RIMKLB: variants seen among roughly 807,000 people sequenced by gnomAD.
RIMKLB encodes beta-citrylglutamate synthase B.
In RIMKLB, 7 loss-of-function variants were observed where a neutral mutation model predicts 32.0. The ratio of observed to expected loss-of-function variants is 0.22; its 90% CI spans 0.12 to 0.41. The LOEUF is 0.41. RIMKLB is among the 10% of genes least tolerant of loss of function. The pLI is 1.00. For missense variants in RIMKLB, 289 were observed against 498.7 expected, an observed-to-expected ratio of 0.58 and a Z score of 4.00; for synonymous variants, 172 against 185.1, an observed-to-expected ratio of 0.93 and a Z score of 0.57.
the RIMKLB span, among the ~76,000 whole-genome samples, chr12:8,670,277 A>G: frequency 6.6e-6 from 1 of 152,152 alleles, no homozygotes; most frequent in East Asian, 1.9e-4. Flanking sequence ...TCCATAGTCC[A>G]AAGTCTCATC....
intron 1 of RIMKLB, among the ~76,000 whole-genome samples, chr12:8,684,247 CACTGCAACCTCTG>C (rs1483924503): frequency 1.3e-5 from 2 of 151,870 alleles, no homozygotes; most frequent in Non-Finnish European, 2.9e-5. Context: ...CATCTCTGCT[CACTGCAACCTCTG>C]CCTCCCGGTT....
At chr12:8,753,577 T>G (rs952231574) in intron 4 of RIMKLB, among the ~76,000 whole-genome samples, 1 of 152,180 alleles carries the variant, frequency 6.6e-6, no homozygotes, top group Non-Finnish European at 1.5e-5. Context: ...TAAAAAGATT[T>G]GCTAGTGAAT....
At position 8,754,385 on chromosome 12, in the gene RIMKLB, C is replaced by CT. The variant is rs574452827; in HGVS notation, c.697+295dup. ...TCTGACAAAAGTTAAGAGATTCCCT[C>CT]TTTGGTGATGTACTTATTTTGTATA... On this transcript the variant is annotated intron_variant, in intron 5 of 5. Coordinates refer to ENST00000535829, the MANE Select transcript of RIMKLB (RefSeq NM_001297776.2). Among the ~76,000 whole-genome samples the CT allele has an allele frequency of 1.1e-3, 168 of 152,302 alleles. 1 individual carries two copies. Among genetic ancestry groups the CT allele is most frequent in the Admixed American group, 1.8e-3 (27 of 15,300 alleles).
chr12:8,681,535 A>G (rs1942408752), upstream of RIMKLB: 1 of 152,124 alleles, frequency 6.6e-6, no homozygotes, highest in South Asian at 2.1e-4. Context: ...TGTGGCTCCT[A>G]TTCCGGATGA....
Position 8,754,089 on chromosome 12 carries a change from A to T in RIMKLB, c.693A>T (p.Ser231=), listed in dbSNP as rs774033838. The T allele has an allele frequency of 7.5e-6, 12 of 1,609,292 alleles. No homozygotes were observed. The highest frequency in any genetic ancestry group is 1.3e-5 in the African/African-American group (1 of 74,832). Residue 231 remains serine (S), a synonymous_variant, in exon 5 of 6, where the codon TCA becomes TCT. Transcript: ENST00000535829. ...ATGGGAGAATGCAAAGCAACTGCTC[A>T]TTAGGTAAAAATAATGCAATTATCT... ...STDGRMQSNC[S]LGGVGMMCSL... is the part of the protein sequence containing the mutation.
chr12:8,724,077 C>T (rs1945745336), intron 2 of RIMKLB, among the ~76,000 whole-genome samples: 1 of 152,120 alleles, frequency 6.6e-6, no homozygotes, highest in African/African-American at 2.4e-5. Context: ...CCTCAGCCCC[C>T]AAAATGCTAG....
intron 1 of RIMKLB, among the ~76,000 whole-genome samples, chr12:8,704,810 C>A (rs1943705562): frequency 6.6e-6 from 1 of 151,604 alleles, no homozygotes; most frequent in African/African-American, 2.4e-5. Context: ...ATAGTGAGAA[C>A]CTGCCTCTAA....
intron 1 of RIMKLB, among the ~76,000 whole-genome samples, chr12:8,711,795 T>C (rs929188789): frequency 6.6e-6 from 1 of 152,280 alleles, no homozygotes; most frequent in South Asian, 2.1e-4. Flanking sequence ...CCTTCCCAAG[T>C]GGCCTGGAAG....
chr12:8,740,865 G>C (rs1947442128), intron 2 of RIMKLB, among the ~76,000 whole-genome samples: 1 of 152,132 alleles, frequency 6.6e-6, no homozygotes. Flanking sequence ...TTGAGGTCAG[G>C]AGTTCAAGAC....
chr12:8,750,135 TGATA>T (rs1193818399), intron 3 of RIMKLB, 43 bp downstream of exon 3: 2 of 1,242,020 alleles, frequency 1.6e-6, no homozygotes, highest in Non-Finnish European at 2.4e-6. Flanking sequence ...TATTAACCAC[TGATA>T]GTTTTAATAG....
intron 1 of RIMKLB, among the ~76,000 whole-genome samples, chr12:8,700,981 G>T (rs1943341641): frequency 6.6e-6 from 1 of 152,024 alleles, no homozygotes; most frequent in African/African-American, 2.4e-5. Flanking sequence ...CACAAGAATC[G>T]CTTGAACCTG....
At chr12:8,716,467 C>A (rs1443354014) in intron 2 of RIMKLB, among the ~76,000 whole-genome samples, 2 of 143,840 alleles carry the variant, frequency 1.4e-5, no homozygotes, top group African/African-American at 2.6e-5. Flanking sequence ...TTCACAAGAG[C>A]CAGTATGCTA....
chr12:8,707,722 A>G (rs919787678), intron 1 of RIMKLB, among the ~76,000 whole-genome samples: 4 of 152,308 alleles, frequency 2.6e-5, no homozygotes, highest in East Asian at 1.9e-4. Context: ...TCAGTCAATT[A>G]TTAGCATACA....
chr12:8,695,178 GCCGCACCGCCCCGCCCCC>G (rs1323436254), upstream of RIMKLB, among the ~76,000 whole-genome samples: 4 of 148,980 alleles, frequency 2.7e-5, no homozygotes, highest in African/African-American at 1.0e-4. Flanking sequence ...GGATTCAATT[GCCGCACCGCCCCGCCCCC>G]CCGCCCCGCC....
rs2138296408 is a variant in RIMKLB, at chr12:8,773,520, A to T, written c.897A>T (p.Ile299=). ...GTAATCTAGATGTAGCTGGTATCAT[A>T]GCAGACTATGCCGCCTCCCTTCTAC... The part of the protein sequence containing the change: ...KACNLDVAGI[I]ADYAASLLPS... Residue 299 remains isoleucine (I), a synonymous_variant, in exon 6 of 6, where the codon ATA becomes ATT. Coordinates refer to ENST00000535829, the MANE Select transcript of RIMKLB (RefSeq NM_001297776.2). 1 of 1,614,244 alleles carries T rather than the reference A, an allele frequency of 6.2e-7. No individual in the cohort carries two copies. The highest frequency in any genetic ancestry group is 2.2e-5 in the East Asian group (1 of 44,886).
intron 1 of RIMKLB, among the ~76,000 whole-genome samples, chr12:8,688,314 T>A (rs1942637647): frequency 6.6e-6 from 1 of 152,128 alleles, no homozygotes; most frequent in Non-Finnish European, 1.5e-5. Context: ...TCTGGCAGAT[T>A]AAGCCAAGAC....
Position 8,776,127 on chromosome 12 carries a change from T to A in RIMKLB, c.*2343T>A. ...CACAAGTATGTAGTTCATGTTTGTG[T>A]TGGTGGGGTAAGGCATCAGGAAAAA... On this transcript the variant is annotated 3_prime_UTR_variant, in exon 6 of 6. Transcript: ENST00000535829. 1.0e-6 allele frequency: 1 copy of A among 985,204 alleles called. No homozygotes were observed. Among genetic ancestry groups the A allele is most frequent in the Non-Finnish European group, 1.2e-6 (1 of 829,718 alleles). 61.0% of individuals were successfully genotyped at this position (985,204 alleles called of 1,614,324 possible). A position where few individuals can be genotyped will look rare whatever the true frequency, so the allele number is the denominator to read the frequency against.
chr12:8,761,685 C>A (rs1370284933), intron 5 of RIMKLB, among the ~76,000 whole-genome samples: 1 of 152,160 alleles, frequency 6.6e-6, no homozygotes, highest in African/African-American at 2.4e-5. Context: ...GTCACCTCTC[C>A]CAGCTAGGCT....
rs184446615 is a variant in RIMKLB at position 8,750,229 on chromosome 12, A to G, written c.406+137A>G. The G allele has an allele frequency of 1.3e-3, 706 of 524,980 alleles. 2 individuals are homozygous for G. The highest frequency in any genetic ancestry group is 1.9e-3 in the Non-Finnish European group (552 of 297,490). The allele number at this position is 524,980 out of a possible 1,614,324, so 32.5% of individuals were successfully genotyped here. A position where few individuals can be genotyped will look rare whatever the true frequency, so the allele number is the denominator to read the frequency against. On this transcript the variant is annotated intron_variant, in intron 3 of 5. Coordinates refer to ENST00000535829, the MANE Select transcript of RIMKLB (RefSeq NM_001297776.2). ...ACACTGGACAGGATAATTATAAATT[A>G]TATCTTAAGATTTGTTTCATATTAT...
Sources: allele counts gnomAD v4.1 joint callset (sites outside exome capture counted in the v4.1 genomes callset), GRCh38; gene constraint gnomAD v4.1.1; transcripts MANE v1.5; gene names NCBI Gene and HGNC (gene_info 2026-07-23, HGNC 2026-07-21).